The following SOBP variants were observed in gnomAD, a reference collection of about 807,000 sequenced individuals.
SOBP encodes sine oculis binding protein homolog, also known as sine oculis-binding protein homolog.
Under a neutral mutation model 53.6 loss-of-function variants are expected in SOBP, and 4 were observed. That is an observed-to-expected ratio of 0.07 (90% CI 0.04 to 0.17). The LOEUF is 0.17. SOBP is among the 10% of genes least tolerant of loss of function. The probability of loss-of-function intolerance (pLI) is 1.00; values close to 1 mark genes in which losing one functional copy is unlikely to be tolerated. For missense variants in SOBP, 1,088 were observed against 1,204.7 expected (o/e 0.90, Z 1.43); for synonymous variants, 584 against 522.6 (o/e 1.12, Z -1.60).
chr6:107,509,111 A>T (rs982775789), intron 3 of SOBP, among the ~76,000 whole-genome samples: 4 of 152,162 alleles, frequency 2.6e-5, no homozygotes, highest in African/African-American at 9.7e-5. Flanking sequence ...AAATGTATGT[A>T]AGGCCGGGCG....
intron 6 of SOBP, among the ~76,000 whole-genome samples, chr6:107,636,591 G>T (rs930334448): frequency 6.6e-6 from 1 of 152,200 alleles, no homozygotes; most frequent in African/African-American, 2.4e-5. Context: ...CCAAAATTCA[G>T]TTGAGTTTAT....
At position 107,533,737 on chromosome 6, in the gene SOBP, G is replaced by C. The variant is rs1783912756; in HGVS notation, c.573+127G>C. On this transcript the variant is annotated intron_variant, in intron 4 of 6. Coordinates refer to ENST00000317357, the MANE Select transcript of SOBP (RefSeq NM_018013.4). ...TTTATATTTTTATTCTCTCTGTTTT[G>C]TTGATTCCCCTTTTGTGTCATGCTT... 3 of 1,208,594 alleles carry C rather than the reference G, an allele frequency of 2.5e-6. No individual in the cohort carries two copies. In the Admixed American group the frequency reaches 6.3e-5, roughly 25 times the overall value. The allele number at this position is 1,208,594 out of a possible 1,614,324, so 74.9% of individuals were successfully genotyped here. A position where few individuals can be genotyped will look rare whatever the true frequency, so the allele number is the denominator to read the frequency against.
chr6:107,567,379 G>C (rs933999837), intron 4 of SOBP, among the ~76,000 whole-genome samples: 1 of 152,174 alleles, frequency 6.6e-6, no homozygotes, highest in African/African-American at 2.4e-5. Flanking sequence ...TAGCCTATGA[G>C]GATGGCTCTA....
At chr6:107,516,310 A>C (rs1783318962) in intron 3 of SOBP, among the ~76,000 whole-genome samples, 1 of 152,102 alleles carries the variant, frequency 6.6e-6, no homozygotes, top group Non-Finnish European at 1.5e-5. Flanking sequence ...AAAAATACAA[A>C]AATTAGTAGG....
At chr6:107,605,880 G>C (rs73518926) in intron 5 of SOBP, among the ~76,000 whole-genome samples, 2,012 of 152,140 alleles carry the variant, frequency 0.013, 46 homozygotes, top group African/African-American at 0.047. Flanking sequence ...TAATGAGATC[G>C]CTATAGCATT....
intron 6 of SOBP, among the ~76,000 whole-genome samples, chr6:107,657,023 G>A (rs555495225): frequency 3.0e-4 from 45 of 152,332 alleles, no homozygotes; most frequent in African/African-American, 1.0e-3. Flanking sequence ...GAAGAGAGGC[G>A]CCTGACCCAC....
intron 5 of SOBP, among the ~76,000 whole-genome samples, chr6:107,631,211 A>C (rs1200621792): frequency 5.9e-5 from 9 of 152,220 alleles, no homozygotes; most frequent in African/African-American, 2.2e-4. Flanking sequence ...CTTATGGCTA[A>C]AAAATAAGAT....
intron 4 of SOBP, among the ~76,000 whole-genome samples, chr6:107,533,878 G>T (rs1255149781): frequency 6.6e-6 from 1 of 152,158 alleles, no homozygotes; most frequent in African/African-American, 2.4e-5. Context: ...TATCCTCATG[G>T]CCAGTGTCTT....
intron 4 of SOBP, among the ~76,000 whole-genome samples, chr6:107,553,360 A>G (rs1240874425): frequency 6.6e-6 from 1 of 151,144 alleles, no homozygotes; most frequent in Non-Finnish European, 1.5e-5. Context: ...ACAGAGTCTC[A>G]CTGTGTCGCC....
chr6:107,652,998 A>C (rs971675042), intron 6 of SOBP, among the ~76,000 whole-genome samples: 17 of 152,212 alleles, frequency 1.1e-4, no homozygotes, highest in African/African-American at 4.1e-4. Flanking sequence ...AAAAAAATGC[A>C]TGTGACTTGC....
chr6:107,499,850 T>C (rs1327787715), intron 1 of SOBP, among the ~76,000 whole-genome samples: 2 of 152,232 alleles, frequency 1.3e-5, no homozygotes, highest in Non-Finnish European at 1.5e-5. Context: ...GTTTTATTAC[T>C]GAACATCCTT....
intron 5 of SOBP, among the ~76,000 whole-genome samples, chr6:107,610,792 A>C (rs1156881387): frequency 8.4e-6 from 1 of 119,376 alleles, no homozygotes; most frequent in African/African-American, 4.0e-5. Context: ...ACGTGTGTGC[A>C]CACGCACACA....
chr6:107,537,228 C>T (rs1784025276), intron 4 of SOBP, among the ~76,000 whole-genome samples: 2 of 152,184 alleles, frequency 1.3e-5, no homozygotes, highest in South Asian at 4.1e-4. Context: ...ACCATTATCC[C>T]TCTAAAAAGG....
At chr6:107,612,673 A>AC (rs1354815659) in intron 5 of SOBP, among the ~76,000 whole-genome samples, 1 of 152,194 alleles carries the variant, frequency 6.6e-6, no homozygotes, top group Non-Finnish European at 1.5e-5. Flanking sequence ...GTGTTTTACA[A>AC]CCATAACCAC....
At chr6:107,651,567 T>C (rs9320222) in intron 6 of SOBP, among the ~76,000 whole-genome samples, 101,656 of 152,228 alleles carry the variant, frequency 0.67, 36,812 homozygotes, top group Non-Finnish European at 0.83. Context: ...CAAGTGCTGA[T>C]GTAGAAGCTG....
chr6:107,639,570 T>C (rs1771217854), intron 6 of SOBP, among the ~76,000 whole-genome samples: 1 of 152,148 alleles, frequency 6.6e-6, no homozygotes, highest in African/African-American at 2.4e-5. Flanking sequence ...CCCCGAATAA[T>C]AAGGAAAACA....
At chr6:107,500,430 C>T (rs546539673) in intron 1 of SOBP, among the ~76,000 whole-genome samples, 5 of 150,968 alleles carry the variant, frequency 3.3e-5, no homozygotes, top group Admixed American at 6.6e-5. Flanking sequence ...TGGATGATAA[C>T]GTTAAAAATT....
intron 5 of SOBP, among the ~76,000 whole-genome samples, chr6:107,607,433 G>C (rs765618220): frequency 1.3e-5 from 2 of 152,126 alleles, no homozygotes; most frequent in African/African-American, 4.8e-5. Context: ...CTGGCCCCTC[G>C]TGCTTTGCTG....
intron 5 of SOBP, among the ~76,000 whole-genome samples, chr6:107,607,079 C>G (rs1383398890): frequency 6.6e-6 from 1 of 152,180 alleles, no homozygotes; most frequent in Non-Finnish European, 1.5e-5. Flanking sequence ...GTCCCAGGGA[C>G]GTGCTCTGGG....
Sources: allele counts gnomAD v4.1 joint callset (sites outside exome capture counted in the v4.1 genomes callset), GRCh38; gene constraint gnomAD v4.1.1; transcripts MANE v1.5; gene names NCBI Gene and HGNC (gene_info 2026-07-23, HGNC 2026-07-21).